The following KCNQ5 variants were observed in gnomAD, a reference collection of about 807,000 sequenced individuals.
KCNQ5 encodes potassium voltage-gated channel subfamily KQT member 5.
KCNQ5 carries 30 observed loss-of-function variants against 98.2 expected under a neutral mutation model. The observed-to-expected ratio is 0.31, with a 90% CI of 0.23 to 0.41. The LOEUF is 0.41. Ranked by LOEUF, KCNQ5 falls within the 10% of genes least tolerant of loss-of-function variation. The pLI, the probability that KCNQ5 is intolerant of heterozygous loss-of-function variation, is 1.00. For synonymous variants in KCNQ5, 458 were observed against 449.4 expected, an observed-to-expected ratio of 1.02 and a Z score of -0.24; for missense variants, 835 against 1,182.5, an observed-to-expected ratio of 0.71 and a Z score of 4.31.
intron 11 of KCNQ5, among the ~76,000 whole-genome samples, chr6:73,170,420 C>CCACACA (rs57867720): frequency 9.2e-5 from 13 of 140,854 alleles, no homozygotes; most frequent in Non-Finnish European, 1.8e-4. Context: ...ACCTTTCCCA[C>CCACACA]CACACACACA....
At position 72,978,466 on chromosome 6, in the gene KCNQ5, C is replaced by G. The variant is rs574744275; in HGVS notation, c.399-25442C>G. ...GAGCCTTTTTATTTATTTTGACAGG[C>G]CAATATCTATTTGGTTCTTTCCACA... On this transcript the variant is annotated intron_variant, in intron 1 of 13. Coordinates refer to ENST00000370398, the MANE Select transcript of KCNQ5 (RefSeq NM_019842.4). Among the ~76,000 whole-genome samples, 232 of 152,286 alleles carry G rather than the reference C, an allele frequency of 1.5e-3. 1 individual carries two copies. The highest frequency in any genetic ancestry group is 1.7e-3 in the Non-Finnish European group (116 of 68,022).
intron 5 of KCNQ5, among the ~76,000 whole-genome samples, chr6:73,097,046 A>C (rs1774534074): frequency 6.6e-6 from 1 of 151,796 alleles, no homozygotes; most frequent in Non-Finnish European, 1.5e-5. Flanking sequence ...CTCAGAAAAA[A>C]AAAATGTGGT....
intron 1 of KCNQ5, among the ~76,000 whole-genome samples, chr6:72,724,017 C>A (rs527422575): frequency 6.6e-6 from 1 of 151,972 alleles, no homozygotes; most frequent in Non-Finnish European, 1.5e-5. Flanking sequence ...TCTTTTGACA[C>A]GCTTTCTTAT....
chr6:72,818,103 T>G (rs1379994728), intron 1 of KCNQ5, among the ~76,000 whole-genome samples: 1 of 152,166 alleles, frequency 6.6e-6, no homozygotes, highest in Non-Finnish European at 1.5e-5. Flanking sequence ...GAATGAACCT[T>G]AACTTAAAAG....
At chr6:72,834,756 A>G (rs1013032426) in intron 1 of KCNQ5, among the ~76,000 whole-genome samples, 3 of 152,136 alleles carry the variant, frequency 2.0e-5, no homozygotes, top group Non-Finnish European at 4.4e-5. Context: ...CTTAACATGC[A>G]TGTGTAACTT....
At chr6:72,718,865 G>T (rs373048619) in intron 1 of KCNQ5, among the ~76,000 whole-genome samples, 2 of 152,110 alleles carry the variant, frequency 1.3e-5, no homozygotes, top group East Asian at 3.9e-4. Context: ...TCCATTTTAA[G>T]CCTGCTATTG....
intron 6 of KCNQ5, among the ~76,000 whole-genome samples, chr6:73,107,805 T>G (rs1288070462): frequency 6.6e-6 from 1 of 152,238 alleles, no homozygotes; most frequent in Non-Finnish European, 1.5e-5. Context: ...AAAATTACAT[T>G]TCTTAAGAAC....
intron 1 of KCNQ5, among the ~76,000 whole-genome samples, chr6:72,757,437 T>A (rs544868446): frequency 6.6e-6 from 1 of 152,284 alleles, no homozygotes; most frequent in South Asian, 2.1e-4. Context: ...CAAAAATGAA[T>A]TTAAAACGCT....
chr6:73,151,153 T>A (rs1487218401), intron 10 of KCNQ5, among the ~76,000 whole-genome samples: 1 of 152,168 alleles, frequency 6.6e-6, no homozygotes, highest in African/African-American at 2.4e-5. Flanking sequence ...AATTGAAAGT[T>A]CAATTTAAAA....
rs1779409299 is a variant in KCNQ5, at chr6:72,899,820, G to A, written c.399-104088G>A. Among the ~76,000 whole-genome samples, 5 of 151,164 alleles carry A rather than the reference G, an allele frequency of 3.3e-5. No individual in the cohort carries two copies. In the South Asian group the frequency reaches 1.1e-3, roughly 32 times the overall value. On this transcript the variant is annotated intron_variant, in intron 1 of 13. Coordinates refer to ENST00000370398, the MANE Select transcript of KCNQ5 (RefSeq NM_019842.4). ...ACCCCCTTCCCACCCTTCACCCCAA[G>A]TCCCCAAAGTCCACTGTATCATTCT...
intron 1 of KCNQ5, among the ~76,000 whole-genome samples, chr6:72,790,641 C>T (rs764386092): frequency 1.4e-4 from 22 of 151,982 alleles, no homozygotes; most frequent in Non-Finnish European, 2.5e-4. Context: ...TTTTATTGTA[C>T]ATTTAAAAAT....
intron 1 of KCNQ5, among the ~76,000 whole-genome samples, chr6:72,858,847 A>G (rs1303778940): frequency 1.3e-5 from 2 of 152,134 alleles, no homozygotes; most frequent in Non-Finnish European, 2.9e-5. Context: ...AACTGGTGAA[A>G]TTTAATTAAT....
intron 1 of KCNQ5, among the ~76,000 whole-genome samples, chr6:72,642,214 C>A (rs762670663): frequency 6.6e-6 from 1 of 150,756 alleles, no homozygotes; most frequent in Non-Finnish European, 1.5e-5. Context: ...AAACATTTTG[C>A]GAGTAAAAAA....
intron 1 of KCNQ5, among the ~76,000 whole-genome samples, chr6:72,941,265 C>T (rs1293250299): frequency 6.6e-6 from 1 of 152,076 alleles, no homozygotes; most frequent in East Asian, 1.9e-4. Flanking sequence ...TGGCCTGAAT[C>T]TTATCTGTCT....
intron 1 of KCNQ5, among the ~76,000 whole-genome samples, chr6:72,744,045 C>T (rs1709733970): frequency 6.6e-6 from 1 of 152,118 alleles, no homozygotes; most frequent in African/African-American, 2.4e-5. Context: ...TTCATAATCA[C>T]CAGGTCAGGG....
chr6:72,973,955 A>T (rs1768027137), intron 1 of KCNQ5, among the ~76,000 whole-genome samples: 1 of 152,230 alleles, frequency 6.6e-6, no homozygotes, highest in Non-Finnish European at 1.5e-5. Context: ...TAACCTTTAA[A>T]TTCACAATAA....
intron 11 of KCNQ5, among the ~76,000 whole-genome samples, chr6:73,189,965 G>A (rs1363810221): frequency 6.8e-6 from 1 of 148,054 alleles, no homozygotes; most frequent in Non-Finnish European, 1.5e-5. Context: ...CCAAGAGTTA[G>A]AGCCTGGGCA....
intron 1 of KCNQ5, among the ~76,000 whole-genome samples, chr6:72,971,392 T>C (rs1767889621): frequency 6.6e-6 from 1 of 152,220 alleles, no homozygotes; most frequent in Middle Eastern, 3.2e-3. Flanking sequence ...TTTTACACTG[T>C]TGGTGGGACT....
chr6:72,684,977 C>T lies in KCNQ5; in HGVS notation c.398+62390C>T, dbSNP rs56362905. On this transcript the variant is annotated intron_variant, in intron 1 of 13. Coordinates refer to ENST00000370398, the MANE Select transcript of KCNQ5 (RefSeq NM_019842.4). ...ATTCCACTGGGCTGCATTTCTTGGC[C>T]TACACCATTGTCCCTCCCTCTATAT... Among the ~76,000 whole-genome samples the T allele has an allele frequency of 3.6e-3, 552 of 152,188 alleles. 4 individuals are homozygous for T. Among genetic ancestry groups the T allele is most frequent in the Middle Eastern group, 0.014 (4 of 294 alleles).
Sources: gnomAD v4.1 joint callset for allele counts (sites outside exome capture counted in the v4.1 genomes callset) on GRCh38, gnomAD v4.1.1 for gene constraint, MANE v1.5 for transcripts, NCBI Gene and HGNC (gene_info 2026-07-23, HGNC 2026-07-21) for gene names.